Variants in TBXAS1 observed in about 807,000 individuals in gnomAD.
The protein encoded by TBXAS1 is thromboxane A synthase 1, also known as thromboxane-A synthase.
In TBXAS1, 48 loss-of-function variants were observed where a neutral mutation model predicts 60.7. That is an observed-to-expected ratio of 0.79 (90% CI 0.63 to 1.01). TBXAS1 has a LOEUF of 1.01. TBXAS1 is among the 50% of genes least tolerant of loss of function. The pLI, the probability that TBXAS1 is intolerant of heterozygous loss-of-function variation, is 0.00. For missense variants in TBXAS1, 685 were observed against 686.3 expected (o/e 1.00, Z 0.02); for synonymous variants, 287 against 269.7 (o/e 1.06, Z -0.63).
intron 9 of TBXAS1, among the ~76,000 whole-genome samples, chr7:139,965,171 T>C (rs1387435056): frequency 1.3e-5 from 2 of 151,958 alleles, no homozygotes; most frequent in African/African-American, 2.4e-5. Context: ...TGAGCAAAGA[T>C]TGTGCCATTG....
Position 139,911,315 on chromosome 7 carries a change from C to T in TBXAS1, c.327C>T (p.Asn109=). 6.2e-7 allele frequency: 1 copy of T among 1,613,560 alleles called. No individual in the cohort carries two copies. Among genetic ancestry groups the T allele is most frequent in the Non-Finnish European group, 8.5e-7 (1 of 1,179,496 alleles). The change falls in exon 4 of 13, where the codon AAC becomes AAT. Residue 109 remains asparagine (N), a synonymous_variant. Transcript: ENST00000448866. ...VLVENFSNFT[N]RMASGLEFKS... The stretch of plus-strand genomic sequence containing the variant: ...TTGAGAACTTCAGTAACTTTACCAA[C>T]AGAATGGTACGTAGTTTTCTTTCCG...
intron 4 of TBXAS1, among the ~76,000 whole-genome samples, chr7:139,806,459 T>C (rs1585533570): frequency 6.8e-6 from 1 of 147,960 alleles, no homozygotes; most frequent in African/African-American, 2.5e-5. Flanking sequence ...GACAGGGTTT[T>C]GCCATGTTGC....
At chr7:139,863,087 CCTT>C (rs1228838081) in intron 1 of TBXAS1, among the ~76,000 whole-genome samples, 4 of 152,062 alleles carry the variant, frequency 2.6e-5, no homozygotes, top group Non-Finnish European at 5.9e-5. Context: ...TTATTTCTAT[CCTT>C]ATGTGATTGT....
intron 9 of TBXAS1, among the ~76,000 whole-genome samples, chr7:139,991,336 C>T (rs1812886003): frequency 6.6e-6 from 1 of 150,494 alleles, no homozygotes; most frequent in African/African-American, 2.4e-5. Context: ...CATATGTTGC[C>T]CCCCTATGTT....
At chr7:139,826,140 C>T (rs1010795989), upstream of TBXAS1, among the ~76,000 whole-genome samples, 3 of 152,186 alleles carry the variant, frequency 2.0e-5, no homozygotes, top group African/African-American at 7.2e-5. Context: ...CCCCTCCATG[C>T]TGCCGGGCCA....
chr7:139,903,363 G>A (rs1804726856), intron 3 of TBXAS1, among the ~76,000 whole-genome samples: 1 of 152,016 alleles, frequency 6.6e-6, no homozygotes, highest in African/African-American at 2.4e-5. Context: ...CATTTGGGTT[G>A]GTTCCATGAT....
chr7:139,922,845 C>T (rs867966627), intron 4 of TBXAS1, among the ~76,000 whole-genome samples: 4 of 152,176 alleles, frequency 2.6e-5, no homozygotes, highest in Middle Eastern at 3.4e-3. Flanking sequence ...TATTAATATC[C>T]AATTGCCCCA....
Position 139,890,309 on chromosome 7 carries a change from G to C in TBXAS1, c.236+14672G>C, listed in dbSNP as rs377510290. Among the ~76,000 whole-genome samples the C allele has an allele frequency of 4.0e-4, 56 of 138,568 alleles. No homozygotes were observed. In the East Asian group the frequency reaches 0.012, roughly 31 times the overall value. 90.9% of individuals were successfully genotyped at this position (138,568 alleles called of 152,430 possible). On this transcript the variant is annotated intron_variant, in intron 3 of 12. Transcript: ENST00000448866. ...CCGCTCACTGCAAGCTCCGCCTTCC[G>C]GGTTCACACCATTCTCCTGCCTCAG...
At chr7:139,865,316 G>A (rs918896563) in intron 1 of TBXAS1, among the ~76,000 whole-genome samples, 2 of 152,182 alleles carry the variant, frequency 1.3e-5, no homozygotes, top group Admixed American at 6.5e-5. Flanking sequence ...TCTTGTGGGT[G>A]TGGGTGAGAA....
At chr7:139,800,297 T>C (rs1797685259) in intron 4 of TBXAS1, among the ~76,000 whole-genome samples, 1 of 152,200 alleles carries the variant, frequency 6.6e-6, no homozygotes, top group African/African-American at 2.4e-5. Flanking sequence ...TCCAAGGTCC[T>C]GCATGGCTTA....
intron 2 of TBXAS1, among the ~76,000 whole-genome samples, chr7:139,874,755 G>A (rs1802092775): frequency 6.6e-6 from 1 of 151,924 alleles, no homozygotes; most frequent in African/African-American, 2.4e-5. Flanking sequence ...AATGGATCTA[G>A]CATTTTCCAC....
chr7:139,800,306 T>C (rs185764449), intron 4 of TBXAS1, among the ~76,000 whole-genome samples: 1 of 152,282 alleles, frequency 6.6e-6, no homozygotes, highest in Admixed American at 6.5e-5. Flanking sequence ...CTGCATGGCT[T>C]ATCCTCTCCC....
chr7:139,986,721 T>A, intron 9 of TBXAS1, among the ~76,000 whole-genome samples: 1 of 85,322 alleles, frequency 1.2e-5, no homozygotes, highest in East Asian at 3.6e-4. Flanking sequence ...TAGTATTCCA[T>A]CATATATATA....
intron 9 of TBXAS1, among the ~76,000 whole-genome samples, chr7:140,002,537 G>A (rs997502247): frequency 6.6e-6 from 1 of 152,238 alleles, no homozygotes; most frequent in Non-Finnish European, 1.5e-5. Flanking sequence ...GACAAAGCCA[G>A]CAACTGCTGG....
At chr7:139,786,680 T>C (rs1274961152) in intron 3 of TBXAS1, among the ~76,000 whole-genome samples, 1 of 152,228 alleles carries the variant, frequency 6.6e-6, no homozygotes, top group Non-Finnish European at 1.5e-5. Context: ...TAGGCAGTAC[T>C]GTACCTGCCC....
chr7:139,841,027 C>T (rs911110964), intron 1 of TBXAS1, among the ~76,000 whole-genome samples: 1 of 152,222 alleles, frequency 6.6e-6, no homozygotes, highest in African/African-American at 2.4e-5. Context: ...AAGTCAGGTG[C>T]CATACCAGCG....
chr7:139,903,432 T>C (rs1804733278), intron 3 of TBXAS1, among the ~76,000 whole-genome samples: 1 of 152,086 alleles, frequency 6.6e-6, no homozygotes, highest in Non-Finnish European at 1.5e-5. Flanking sequence ...TTTTGAATAA[T>C]GACTTCTTTT....
At chr7:139,779,133 G>A (rs1414352880) in intron 1 of TBXAS1, among the ~76,000 whole-genome samples, 1 of 152,166 alleles carries the variant, frequency 6.6e-6, no homozygotes, top group Non-Finnish European at 1.5e-5. Context: ...TCTGTGAATC[G>A]TGGGTTTAAA....
At chr7:139,893,281 A>G (rs4726435) in intron 3 of TBXAS1, among the ~76,000 whole-genome samples, 71,034 of 150,360 alleles carry the variant, frequency 0.47, 18,010 homozygotes, top group African/African-American at 0.65. Context: ...TGATTTTGCC[A>G]TGTACTCTCA....
Sources: gnomAD v4.1 joint callset for allele counts (sites outside exome capture counted in the v4.1 genomes callset) on GRCh38, gnomAD v4.1.1 for gene constraint, MANE v1.5 for transcripts, NCBI Gene and HGNC (gene_info 2026-07-23, HGNC 2026-07-21) for gene names.